The following CDH13 variants were observed in gnomAD, a reference collection of about 807,000 sequenced individuals.
The protein encoded by CDH13 is cadherin 13.
CDH13 carries 24 observed loss-of-function variants against 63.8 expected under a neutral mutation model. The ratio of observed to expected loss-of-function variants is 0.38; its 90% CI spans 0.27 to 0.53. The LOEUF (loss-of-function observed/expected upper bound fraction) is 0.53. Among genes scored for constraint, CDH13 ranks in the 20% least tolerant of loss-of-function variants. CDH13 has a pLI of 0.85. For missense variants in CDH13, 1,049 were observed against 903.1 expected (o/e 1.16, Z -2.07); for synonymous variants, 503 against 355.3 (o/e 1.42, Z -4.67).
intron 2 of CDH13, among the ~76,000 whole-genome samples, chr16:83,028,378 G>A (rs185212171): frequency 6.6e-6 from 1 of 152,318 alleles, no homozygotes; most frequent in East Asian, 1.9e-4. Context: ...GTGTGTCCAT[G>A]CAAAGATGGC....
intron 6 of CDH13, among the ~76,000 whole-genome samples, chr16:83,401,764 C>G (rs74249522): frequency 0.039 from 5,897 of 152,216 alleles, 130 homozygotes; most frequent in East Asian, 0.059. Context: ...TAAACAGTTC[C>G]CTCAACAAAG....
chr16:83,418,988 C>T (rs111946587), intron 6 of CDH13, among the ~76,000 whole-genome samples: 3,581 of 152,204 alleles, frequency 0.024, 64 homozygotes, highest in Middle Eastern at 0.061. Flanking sequence ...ATGCAGGTGC[C>T]AGCCAACTTT....
chr16:83,065,126 A>G (rs1332430844), intron 3 of CDH13, among the ~76,000 whole-genome samples: 1 of 152,184 alleles, frequency 6.6e-6, no homozygotes, highest in East Asian at 1.9e-4. Context: ...CCTTAGCCAT[A>G]TTTGTATTAT....
At chr16:83,476,141 G>A (rs933115669) in intron 6 of CDH13, among the ~76,000 whole-genome samples, 1 of 152,208 alleles carries the variant, frequency 6.6e-6, no homozygotes, top group East Asian at 1.9e-4. Flanking sequence ...TTTGGCAAAT[G>A]TTTACTAGAC....
rs193115406 is a variant in CDH13 at position 83,243,454 on chromosome 16, C to G, written c.636+25957C>G. Among the ~76,000 whole-genome samples, 5 of 152,208 alleles carry G rather than the reference C, an allele frequency of 3.3e-5. No individual in the cohort carries two copies. In the East Asian group the frequency reaches 9.7e-4, roughly 29 times the overall value. On this transcript the variant is annotated intron_variant, in intron 5 of 13. Transcript: ENST00000567109. Reference sequence around the variant, plus strand: ...AGAACAGCACAGGAAAGACCTACCCCCATGATTCACTTACCTCTCTCACCT... The same window carrying G: ...AGAACAGCACAGGAAAGACCTACCCGCATGATTCACTTACCTCTCTCACCT...
chr16:83,652,530 T>C (rs1347431042), intron 8 of CDH13, among the ~76,000 whole-genome samples: 1 of 152,154 alleles, frequency 6.6e-6, no homozygotes, highest in Non-Finnish European at 1.5e-5. Flanking sequence ...AGGGTCCTCG[T>C]GGTTTAGCCA....
At chr16:82,636,987 G>A (rs557753398) in intron 1 of CDH13, among the ~76,000 whole-genome samples, 10 of 152,304 alleles carry the variant, frequency 6.6e-5, no homozygotes, top group African/African-American at 2.4e-4. Context: ...CAGCTTGAAT[G>A]TTTTCATCTG....
chr16:83,335,681 T>G (rs1179046680), intron 5 of CDH13, among the ~76,000 whole-genome samples: 1 of 152,154 alleles, frequency 6.6e-6, no homozygotes, highest in African/African-American at 2.4e-5. Context: ...ACCTAATCCG[T>G]TATGTTATCT....
At chr16:83,241,968 G>A (rs1395219437) in intron 5 of CDH13, among the ~76,000 whole-genome samples, 9 of 152,078 alleles carry the variant, frequency 5.9e-5, no homozygotes. Flanking sequence ...TATAGTTTTA[G>A]GTCTCACATT....
intron 7 of CDH13, among the ~76,000 whole-genome samples, chr16:83,517,868 G>A (rs1008896892): frequency 6.6e-6 from 1 of 152,126 alleles, no homozygotes; most frequent in South Asian, 2.1e-4. Context: ...TGGGCTTTAT[G>A]TAGATTGTCC....
At chr16:83,691,357 A>G (rs1904862786) in intron 10 of CDH13, among the ~76,000 whole-genome samples, 1 of 152,144 alleles carries the variant, frequency 6.6e-6, no homozygotes. Flanking sequence ...GGTGTCATCA[A>G]CATCCAGATG....
chr16:83,293,359 T>C (rs540207641), intron 5 of CDH13, among the ~76,000 whole-genome samples: 12 of 152,234 alleles, frequency 7.9e-5, no homozygotes, highest in South Asian at 6.2e-4. Flanking sequence ...TTGCTCTAAT[T>C]TGGGAGATAC....
At chr16:83,698,409 C>G (rs1905709963) in intron 10 of CDH13, among the ~76,000 whole-genome samples, 1 of 152,210 alleles carries the variant, frequency 6.6e-6, no homozygotes, top group Non-Finnish European at 1.5e-5. Context: ...CTCCCAGTGT[C>G]ACTGACTAGG....
chr16:83,461,374 G>A (rs571157424), intron 6 of CDH13, among the ~76,000 whole-genome samples: 1 of 152,264 alleles, frequency 6.6e-6, no homozygotes, highest in East Asian at 1.9e-4. Context: ...TCCAGAGCAG[G>A]TGAGGGATGA....
intron 3 of CDH13, among the ~76,000 whole-genome samples, chr16:83,050,557 C>T (rs2030199262): frequency 2.0e-5 from 3 of 152,114 alleles, no homozygotes. Context: ...AGTGCCTGTC[C>T]ATTTCCTGTC....
intron 3 of CDH13, among the ~76,000 whole-genome samples, chr16:83,065,725 A>C (rs1288639561): frequency 6.6e-5 from 6 of 91,288 alleles, no homozygotes; most frequent in African/African-American, 3.9e-4. Flanking sequence ...AAAAAACAAA[A>C]AAACAAAAAA....
In CDH13 at chr16:83,047,160, G is replaced by A. The variant is rs1917867691; in HGVS notation, c.366+14942G>A. On this transcript the variant is annotated intron_variant, in intron 3 of 13. Transcript: ENST00000567109. The surrounding 1 kb of genome is among the most constrained non-coding windows in gnomAD (Gnocchi z 4.9). ...GTAGTAGTTCTCCGTGAGACCCAAG[G>A]AAAGGTCTGCAGACTATAAGCAGAC... Among the ~76,000 whole-genome samples, 1 of 152,136 alleles carries A rather than the reference G, an allele frequency of 6.6e-6. No individual in the cohort carries two copies. The highest frequency in any genetic ancestry group is 2.4e-5 in the African/African-American group (1 of 41,428).
At position 83,586,270 on chromosome 16, in the gene CDH13, C is replaced by A. The variant is rs540721783; in HGVS notation, c.961-16184C>A. On this transcript the variant is annotated intron_variant, in intron 7 of 13. Transcript: ENST00000567109. ...GCACCCACGGCTGAGGTTTTTCTTC[C>A]CACCGGCACAGGGCGCTGAGGCAGG... 2.6e-5 allele frequency among the ~76,000 whole-genome samples: 4 copies of A among 152,244 alleles called. No homozygotes were observed. The South Asian group carries it at 8.3e-4, about 32-fold the overall frequency.
Position 82,990,879 on chromosome 16 carries a change from C to T in CDH13, c.158-41131C>T, listed in dbSNP as rs140118617. 3.3e-3 allele frequency among the ~76,000 whole-genome samples: 495 copies of T among 152,248 alleles called. 4 individuals are homozygous for T. The highest frequency in any genetic ancestry group is 0.02 in the Middle Eastern group (6 of 294). ...AAATGAAGACTTTCTTATCAGATTT[C>T]AGCACCAAGGCTCATACATATGTTG... On this transcript the variant is annotated intron_variant, in intron 2 of 13. Transcript: ENST00000567109.
Sources: gnomAD v4.1 joint callset for allele counts (sites outside exome capture counted in the v4.1 genomes callset) on GRCh38, gnomAD v4.1.1 for gene constraint, Gnocchi (gnomAD v3.1) non-coding constraint, MANE v1.5 for transcripts, NCBI Gene and HGNC (gene_info 2026-07-23, HGNC 2026-07-21) for gene names.